The following ARPC1A variants were observed in gnomAD, a reference collection of about 807,000 sequenced individuals.
The protein encoded by ARPC1A is actin related protein 2/3 complex subunit 1A.
A neutral mutation model predicts 46.9 loss-of-function variants in ARPC1A; 8 were observed. The observed-to-expected ratio is 0.17, with a 90% CI of 0.10 to 0.31. The LOEUF (loss-of-function observed/expected upper bound fraction) is 0.31. Among genes scored for constraint, ARPC1A ranks in the 10% least tolerant of loss-of-function variants. The probability of loss-of-function intolerance (pLI) is 1.00; values close to 1 mark genes in which losing one functional copy is unlikely to be tolerated. For missense variants in ARPC1A, 286 were observed against 483.6 expected, an observed-to-expected ratio of 0.59 and a Z score of 3.83; for synonymous variants, 152 against 169.0, an observed-to-expected ratio of 0.90 and a Z score of 0.78.
At chr7:99,363,386 C>T in intron 8 of ARPC1A, 157 bp from the exon 9 acceptor site, 2 of 626,348 alleles carry the variant, frequency 3.2e-6, no homozygotes, top group Non-Finnish European at 5.5e-6. Context: ...TCAAGACCAG[C>T]TTGGGCAACA....
chr7:99,354,080 C>T lies in ARPC1A; in HGVS notation c.672C>T (p.His224=), dbSNP rs146975353. ...GGAGCCGCCTGGCCTGGGTCAGCCA[C>T]GACAGCACCGTGTCTGTTGCTGATG... The part of the protein sequence containing the change: ...ASGSRLAWVS[H]DSTVSVADAS... Residue 224 remains histidine, a synonymous_variant, in exon 6 of 10, where the codon CAC becomes CAT. Transcript: ENST00000262942. 4.5e-5 allele frequency: 72 copies of T among 1,614,052 alleles called. No homozygotes were observed. In the African/African-American group the frequency reaches 7.2e-4, roughly 16 times the overall value.
chr7:99,331,934 T>C (rs920558663), intron 1 of ARPC1A, among the ~76,000 whole-genome samples: 2 of 151,888 alleles, frequency 1.3e-5, no homozygotes, highest in African/African-American at 4.8e-5. Context: ...AAAGAAATTA[T>C]ATTATAATCA....
At chr7:99,340,859 T>G (rs1185126570) in intron 3 of ARPC1A, among the ~76,000 whole-genome samples, 1 of 152,184 alleles carries the variant, frequency 6.6e-6, no homozygotes, top group African/African-American at 2.4e-5. Flanking sequence ...TGAGCACCAG[T>G]AGCTGAGTAT....
At chr7:99,364,268 C>G (rs1363351025) in intron 9 of ARPC1A, among the ~76,000 whole-genome samples, 1 of 117,372 alleles carries the variant, frequency 8.5e-6, no homozygotes, top group Non-Finnish European at 1.7e-5. Flanking sequence ...AGATCTCTCT[C>G]TTTTTTTTTT....
At chr7:99,358,131 G>A (rs1315137551) in intron 6 of ARPC1A, among the ~76,000 whole-genome samples, 1 of 152,144 alleles carries the variant, frequency 6.6e-6, no homozygotes, top group Admixed American at 6.5e-5. Context: ...GTCGTCAGTG[G>A]GCAGGGCCTC....
chr7:99,340,840 T>TA (rs1793346081), intron 3 of ARPC1A, among the ~76,000 whole-genome samples: 2 of 151,086 alleles, frequency 1.3e-5, no homozygotes, highest in East Asian at 3.9e-4. Flanking sequence ...GATTTATAAA[T>TA]AATGCTCTTG....
intron 2 of ARPC1A, among the ~76,000 whole-genome samples, chr7:99,334,038 TG>T (rs1562796237): frequency 9.5e-5 from 13 of 136,862 alleles, no homozygotes; most frequent in East Asian, 6.2e-4. Context: ...CACATATATA[TG>T]TATTTTTTTT....
At chr7:99,338,060 A>T in intron 2 of ARPC1A, 121 bp from the exon 3 acceptor site, 1 of 620,316 alleles carries the variant, frequency 1.6e-6, no homozygotes, top group Non-Finnish European at 2.7e-6. Context: ...TTTGGGAACT[A>T]CTTTTTCAAA....
chr7:99,336,040 G>C (rs1230914174), intron 2 of ARPC1A, among the ~76,000 whole-genome samples: 1 of 151,802 alleles, frequency 6.6e-6, no homozygotes, highest in Non-Finnish European at 1.5e-5. Context: ...TGTGTTTTGT[G>C]ATCATCTCAC....
intron 8 of ARPC1A, among the ~76,000 whole-genome samples, chr7:99,362,951 G>A (rs1198965060): frequency 6.6e-6 from 1 of 152,034 alleles, no homozygotes; most frequent in African/African-American, 2.4e-5. Context: ...TATCTGCACT[G>A]GCTGTCTTGG....
intron 1 of ARPC1A, among the ~76,000 whole-genome samples, chr7:99,328,948 C>T (rs934072078): frequency 6.8e-6 from 1 of 147,766 alleles, no homozygotes; most frequent in Non-Finnish European, 1.5e-5. Context: ...AAGACCTTGT[C>T]TGAGAAAAAA....
At position 99,350,628 on chromosome 7, in the gene ARPC1A, G is replaced by T. The variant is rs143787454; in HGVS notation, c.500+1669G>T. ...TATATGGTAGGTTGGGAGATGAGGT[G>T]CACTTTTTTTTTTTTTTTTTTTTTT... On this transcript the variant is annotated intron_variant, in intron 5 of 9. Coordinates refer to ENST00000262942, the MANE Select transcript of ARPC1A (RefSeq NM_006409.4). 3.2e-3 allele frequency among the ~76,000 whole-genome samples: 430 copies of T among 134,638 alleles called. 3 individuals are homozygous for T. The highest frequency in any genetic ancestry group is 5.0e-3 in the Non-Finnish European group (320 of 63,396). 88.3% of individuals were successfully genotyped at this position (134,638 alleles called of 152,430 possible). A position where few individuals can be genotyped will look rare whatever the true frequency, so the allele number is the denominator to read the frequency against.
chr7:99,331,285 C>T (rs1225723220), intron 1 of ARPC1A, among the ~76,000 whole-genome samples: 1 of 152,128 alleles, frequency 6.6e-6, no homozygotes, highest in African/African-American at 2.4e-5. Context: ...GCCACAGCTA[C>T]TCAGGAGGCT....
chr7:99,335,518 C>A, intron 2 of ARPC1A: 1 of 325,308 alleles, frequency 3.1e-6, no homozygotes, highest in Non-Finnish European at 6.1e-6. Flanking sequence ...TAAGTTCCAA[C>A]TTTGTTCTTT....
chr7:99,332,869 T>A (rs1312025164), intron 1 of ARPC1A, among the ~76,000 whole-genome samples: 1 of 134,704 alleles, frequency 7.4e-6, no homozygotes, highest in Non-Finnish European at 1.5e-5. Context: ...CCAAAGAAAG[T>A]TCTGGGATTA....
At chr7:99,341,128 G>A (rs1793350705) in intron 3 of ARPC1A, among the ~76,000 whole-genome samples, 1 of 151,858 alleles carries the variant, frequency 6.6e-6, no homozygotes, top group African/African-American at 2.4e-5. Context: ...GGCCAACATG[G>A]TGAAACCCTG....
At chr7:99,327,191 C>CT (rs748190485) in intron 1 of ARPC1A, among the ~76,000 whole-genome samples, 146 of 143,210 alleles carry the variant, frequency 1.0e-3, no homozygotes, top group Middle Eastern at 3.7e-3. Context: ...TGTTGTCTTC[C>CT]TTTTTTTTTT....
At chr7:99,355,060 G>C (rs900511590) in intron 6 of ARPC1A, among the ~76,000 whole-genome samples, 3 of 149,712 alleles carry the variant, frequency 2.0e-5, no homozygotes, top group Non-Finnish European at 4.4e-5. Context: ...GTTGCAGTGA[G>C]CCAAGATTGC....
At chr7:99,363,452 T>TCC (rs1793775553) in intron 8 of ARPC1A, 91 bp from the exon 9 acceptor site, 2 of 909,574 alleles carry the variant, frequency 2.2e-6, no homozygotes, top group Non-Finnish European at 3.5e-6. Flanking sequence ...ATAATTCATT[T>TCC]CCTTAAGCTG....
Sources: gnomAD v4.1 joint callset for allele counts (sites outside exome capture counted in the v4.1 genomes callset) on GRCh38, gnomAD v4.1.1 for gene constraint, MANE v1.5 for transcripts, NCBI Gene and HGNC (gene_info 2026-07-23, HGNC 2026-07-21) for gene names.